The following DCUN1D3 variants were observed in gnomAD, a reference collection of about 807,000 sequenced individuals.
DCUN1D3 encodes the protein defective in cullin neddylation 1 domain containing 3, also known as DCN1-like protein 3.
In DCUN1D3, 6 loss-of-function variants were observed where a neutral mutation model predicts 24.8. That is an observed-to-expected ratio of 0.24 (90% CI 0.13 to 0.48). The LOEUF is 0.48. DCUN1D3 is among the 20% of genes least tolerant of loss of function. The pLI is 0.99. For synonymous variants in DCUN1D3, 120 were observed against 144.9 expected (o/e 0.83, Z 1.24); for missense variants, 258 against 379.4 (o/e 0.68, Z 2.66).
intron 1 of DCUN1D3, among the ~76,000 whole-genome samples, chr16:20,896,961 G>A (rs1046706738): frequency 6.6e-6 from 1 of 152,190 alleles, no homozygotes; most frequent in African/African-American, 2.4e-5. Context: ...TGCCCAGAAA[G>A]CTCTGTTCAA....
chr16:20,888,289 A>T (rs137991671), intron 1 of DCUN1D3, among the ~76,000 whole-genome samples: 104 of 152,238 alleles, frequency 6.8e-4, no homozygotes, highest in Non-Finnish European at 1.2e-3. Flanking sequence ...TATCTTATTG[A>T]ATCCTCACAA....
chr16:20,871,704 G>A (rs2152516980), intron 1 of DCUN1D3, among the ~76,000 whole-genome samples: 1 of 152,230 alleles, frequency 6.6e-6, no homozygotes, highest in Middle Eastern at 3.4e-3. Flanking sequence ...CTTCCAAACT[G>A]AGCTACATGT....
At chr16:20,894,723 A>T (rs2081907562) in intron 1 of DCUN1D3, among the ~76,000 whole-genome samples, 1 of 152,234 alleles carries the variant, frequency 6.6e-6, no homozygotes, top group Non-Finnish European at 1.5e-5. Flanking sequence ...GGCTCTGGGC[A>T]CAGGTGACTT....
Position 20,859,806 on chromosome 16 carries a change from T to A in DCUN1D3, c.*80A>T. ...AAGTAGAAAATATCCGGATCTTCAG[T>A]AATTTCCAAAATGGTCCAATTCCTC... is the stretch of plus-strand genomic sequence containing the variant. On this transcript the variant is annotated 3_prime_UTR_variant, in exon 3 of 3. Transcript: ENST00000324344. The A allele has an allele frequency of 6.7e-7, 1 of 1,501,822 alleles. No homozygotes were observed. The allele number at this position is 1,501,822 out of a possible 1,614,324, so 93.0% of individuals were successfully genotyped here.
intron 1 of DCUN1D3, among the ~76,000 whole-genome samples, chr16:20,868,241 A>G (rs1001130108): frequency 6.6e-6 from 1 of 152,260 alleles, no homozygotes; most frequent in Non-Finnish European, 1.5e-5. Context: ...GCAACAGAGC[A>G]TTATTAGTCC....
At chr16:20,880,194 G>A (rs887953806) in intron 1 of DCUN1D3, among the ~76,000 whole-genome samples, 13 of 152,100 alleles carry the variant, frequency 8.5e-5, no homozygotes, top group Non-Finnish European at 1.5e-4. Flanking sequence ...TGGCTCCCAA[G>A]CAAATAGTCA....
Position 20,862,458 on chromosome 16 carries a change from C to T in DCUN1D3, c.81G>A (p.Lys27=), listed in dbSNP as rs2081738600. Residue 27 remains lysine, a synonymous_variant, in exon 2 of 3, where the codon AAG becomes AAA. Transcript: ENST00000324344. ...SKNGDREPSN[K]SHSRRGAGHR... is the part of the protein sequence containing the mutation. ...GGCCTGCACCCCTCCTGCTATGTGA[C>T]TTGTTGCTGGGCTCACGGTCTCCAT... 1.2e-6 allele frequency: 2 copies of T among 1,613,152 alleles called. No homozygotes were observed. Among genetic ancestry groups the T allele is most frequent in the Admixed American group, 3.3e-5 (2 of 60,022 alleles).
rs79265454 is a variant in DCUN1D3, at chr16:20,878,810, C to T, written c.-105-16167G>A. Among the ~76,000 whole-genome samples the T allele has an allele frequency of 3.0e-3, 464 of 152,242 alleles. 3 individuals are homozygous for T. Among genetic ancestry groups the T allele is most frequent in the African/African-American group, 0.011 (447 of 41,534 alleles). ...TATCAAAGAGGGTAAGTGATACAGA[C>T]AATAAAGGTCCTCCATCTCTTTACA... On this transcript the variant is annotated intron_variant, in intron 1 of 2. Coordinates refer to ENST00000324344, the MANE Select transcript of DCUN1D3 (RefSeq NM_173475.4).
At chr16:20,876,236 G>A (rs2081814459) in intron 1 of DCUN1D3, among the ~76,000 whole-genome samples, 2 of 152,162 alleles carry the variant, frequency 1.3e-5, no homozygotes, top group African/African-American at 2.4e-5. Flanking sequence ...CAAAGTGCTG[G>A]GATTACAGGC....
intron 1 of DCUN1D3, among the ~76,000 whole-genome samples, chr16:20,880,565 T>G (rs1403924734): frequency 8.6e-6 from 1 of 115,922 alleles, no homozygotes; most frequent in Non-Finnish European, 1.6e-5. Context: ...TGATCATGCC[T>G]GGGTACTCCA....
intron 1 of DCUN1D3, among the ~76,000 whole-genome samples, chr16:20,865,200 A>C (rs1170057217): frequency 6.6e-6 from 1 of 152,026 alleles, no homozygotes; most frequent in East Asian, 1.9e-4. Flanking sequence ...CAGGATATTC[A>C]GAAAAAAAGA....
Position 20,862,155 on chromosome 16 carries a change from C to G in DCUN1D3, c.384G>C (p.Leu128=), listed in dbSNP as rs769774982. Residue 128 remains leucine, a synonymous_variant, in exon 2 of 3, where the codon CTG becomes CTC. Coordinates refer to ENST00000324344, the MANE Select transcript of DCUN1D3 (RefSeq NM_173475.4). ...LCVDPTEFRV[L]LLAWKFQAAT... ...CAGCCTGGAACTTCCAAGCCAAGAG[C>G]AGCACTCGAAATTCTGTGGGGTCAA... The G allele has an allele frequency of 1.2e-6, 2 of 1,614,218 alleles. No homozygotes were observed. The highest frequency in any genetic ancestry group is 3.3e-5 in the Admixed American group (2 of 60,030).
At chr16:20,897,702 T>C (rs1320063627) in intron 1 of DCUN1D3, among the ~76,000 whole-genome samples, 1 of 152,170 alleles carries the variant, frequency 6.6e-6, no homozygotes, top group African/African-American at 2.4e-5. Flanking sequence ...TTATGCAGTT[T>C]TAAACAGCAG....
intron 1 of DCUN1D3, among the ~76,000 whole-genome samples, chr16:20,890,831 T>C (rs1296783240): frequency 6.6e-6 from 1 of 151,760 alleles, no homozygotes; most frequent in Non-Finnish European, 1.5e-5. Flanking sequence ...AATCTACACC[T>C]GTCACCAATT....
At position 20,858,531 on chromosome 16, in the gene DCUN1D3, T is replaced by C. The variant is rs1442855012; in HGVS notation, c.*1355A>G. The C allele has an allele frequency of 6.8e-6, 1 of 146,678 alleles. No individual in the cohort carries two copies. Among genetic ancestry groups the C allele is most frequent in the African/African-American group, 2.5e-5 (1 of 40,216 alleles). 9.1% of individuals were successfully genotyped at this position (146,678 alleles called of 1,614,324 possible). On this transcript the variant is annotated 3_prime_UTR_variant, in exon 3 of 3. Transcript: ENST00000324344. ...ATAGATACATATATGTGTATATATA[T>C]ATATTTTATATAGGTAAAATATATA...
chr16:20,861,763 AAAAG>A (rs931640740), intron 2 of DCUN1D3, among the ~76,000 whole-genome samples: 3 of 151,920 alleles, frequency 2.0e-5, no homozygotes, highest in Non-Finnish European at 4.4e-5. Context: ...AAAAAAAAGA[AAAAG>A]AAAAAGAAAA....
chr16:20,882,816 T>C (rs1173680902), intron 1 of DCUN1D3, among the ~76,000 whole-genome samples: 1 of 152,258 alleles, frequency 6.6e-6, no homozygotes, highest in Non-Finnish European at 1.5e-5. Flanking sequence ...AAGCATTACA[T>C]TTTGGAGGCC....
At chr16:20,898,913 A>G (rs994388880) in intron 1 of DCUN1D3, among the ~76,000 whole-genome samples, 1 of 152,242 alleles carries the variant, frequency 6.6e-6, no homozygotes, top group Non-Finnish European at 1.5e-5. Context: ...AACCAACAGC[A>G]TATCAACAAA....
At chr16:20,879,735 T>C (rs111671684) in intron 1 of DCUN1D3, among the ~76,000 whole-genome samples, 3 of 152,084 alleles carry the variant, frequency 2.0e-5, no homozygotes, top group Non-Finnish European at 4.4e-5. Flanking sequence ...AATAAAGACC[T>C]CCCCAAAGGA....
Sources: gnomAD v4.1 joint callset for allele counts (sites outside exome capture counted in the v4.1 genomes callset) on GRCh38, gnomAD v4.1.1 for gene constraint, MANE v1.5 for transcripts, NCBI Gene and HGNC (gene_info 2026-07-23, HGNC 2026-07-21) for gene names.